XXYLT1: variants seen among roughly 807,000 people sequenced by gnomAD.
XXYLT1 encodes the protein xyloside xylosyltransferase 1, also known as UDP-xylose:alpha-xyloside alpha-1,3-xylosyltransferase.
A neutral mutation model predicts 28.9 loss-of-function variants in XXYLT1; 20 were observed. The ratio of observed to expected loss-of-function variants is 0.69; its 90% CI spans 0.49 to 1.00. XXYLT1 has a LOEUF of 1.00. XXYLT1 is among the 50% of genes least tolerant of loss of function. The pLI is 0.00. For missense variants in XXYLT1, 542 were observed against 560.1 expected (o/e 0.97, Z 0.33); for synonymous variants, 257 against 253.8 (o/e 1.01, Z -0.12).
chr3:195,112,607 ACACG>A (rs1473024564), intron 3 of XXYLT1, among the ~76,000 whole-genome samples: 52 of 95,384 alleles, frequency 5.5e-4, no homozygotes, highest in African/African-American at 1.3e-3. Context: ...GCATGCACAC[ACACG>A]CACACATGTG....
At chr3:195,266,366 G>A (rs1354550349) in intron 1 of XXYLT1, among the ~76,000 whole-genome samples, 1 of 151,930 alleles carries the variant, frequency 6.6e-6, no homozygotes, top group Non-Finnish European at 1.5e-5. Flanking sequence ...GTGGCGGTGG[G>A]TGCCTGTAGT....
chr3:195,265,855 A>G (rs890772870), intron 1 of XXYLT1, among the ~76,000 whole-genome samples: 1 of 152,190 alleles, frequency 6.6e-6, no homozygotes, highest in Non-Finnish European at 1.5e-5. Flanking sequence ...TGGTGGCTTC[A>G]CGAAGCCCCC....
intron 3 of XXYLT1, among the ~76,000 whole-genome samples, chr3:195,144,849 G>A (rs111280172): frequency 2.4e-4 from 36 of 152,232 alleles, no homozygotes; most frequent in African/African-American, 8.4e-4. Context: ...CAAGACCAAG[G>A]TCACACTCCG....
rs923801908 is a variant in XXYLT1, at chr3:195,268,661, T to A, written c.504+1894A>T. The stretch of plus-strand genomic sequence containing the variant: ...CCAGGACTGATAACCCCTTATCCAA[T>A]CACTGACATCTGGCTAGAAGTCCCC... On this transcript the variant is annotated intron_variant, in intron 1 of 3. Transcript: ENST00000310380. 3.3e-5 allele frequency among the ~76,000 whole-genome samples: 5 copies of A among 150,898 alleles called. No homozygotes were observed. In the South Asian group the frequency reaches 6.3e-4, roughly 19 times the overall value.
At chr3:195,208,702 A>G (rs1249285972) in intron 2 of XXYLT1, among the ~76,000 whole-genome samples, 1 of 152,126 alleles carries the variant, frequency 6.6e-6, no homozygotes, top group Non-Finnish European at 1.5e-5. Context: ...GAAATCACCA[A>G]AAGATGGGTC....
chr3:195,157,597 A>C (rs1429254677), intron 2 of XXYLT1, among the ~76,000 whole-genome samples: 1 of 152,092 alleles, frequency 6.6e-6, no homozygotes, highest in Non-Finnish European at 1.5e-5. Context: ...CCTATCCTTC[A>C]CCCAGCCCAG....
intron 3 of XXYLT1, among the ~76,000 whole-genome samples, chr3:195,153,566 T>C (rs1381885510): frequency 1.3e-5 from 2 of 152,224 alleles, no homozygotes; most frequent in Non-Finnish European, 2.9e-5. Context: ...GTTATCATAG[T>C]ACATAATGAA....
At chr3:195,075,590 G>A (rs567549689) in intron 3 of XXYLT1, among the ~76,000 whole-genome samples, 1 of 152,348 alleles carries the variant, frequency 6.6e-6, no homozygotes, top group Non-Finnish European at 1.5e-5. Flanking sequence ...AGGAGGCGCA[G>A]AGGCTGTGCT....
chr3:195,114,842 G>A (rs936295337), intron 3 of XXYLT1, among the ~76,000 whole-genome samples: 10 of 152,226 alleles, frequency 6.6e-5, no homozygotes, highest in African/African-American at 2.4e-4. Context: ...AAACCAGGGA[G>A]GAGTGAAGCC....
At chr3:195,097,256 C>A (rs143467976) in intron 3 of XXYLT1, among the ~76,000 whole-genome samples, 1 of 152,364 alleles carries the variant, frequency 6.6e-6, no homozygotes, top group East Asian at 1.9e-4. Flanking sequence ...CACAGACAGA[C>A]AGACAGAGAG....
At position 195,106,276 on chromosome 3, in the gene XXYLT1, T is replaced by TTGTTGTGTTTTTGATGGAGAGA. The variant is rs1478741636; in HGVS notation, c.786-36166_786-36165insTCTCTCCATCAAAAACACAACA. Reference sequence around the variant, plus strand: ...TGTCGTTTTTGATGGAGAGATGCTCTTGCTGTGTTTTTGACGGAGAGATGC... The same window carrying TTGTTGTGTTTTTGATGGAGAGA: ...TGTCGTTTTTGATGGAGAGATGCTCTTGTTGTGTTTTTGATGGAGAGATGCTGTGTTTTTGACGGAGAGATGC... On this transcript the variant is annotated intron_variant, in intron 3 of 3. Transcript: ENST00000310380. Among the ~76,000 whole-genome samples the TTGTTGTGTTTTTGATGGAGAGA allele has an allele frequency of 3.3e-4, 49 of 147,256 alleles. 4 individuals are homozygous for TTGTTGTGTTTTTGATGGAGAGA. The highest frequency in any genetic ancestry group is 1.2e-3 in the African/African-American group (46 of 37,236).
At chr3:195,222,195 C>T (rs1036421933) in intron 2 of XXYLT1, among the ~76,000 whole-genome samples, 2 of 152,172 alleles carry the variant, frequency 1.3e-5, no homozygotes, top group Admixed American at 6.5e-5. Context: ...GGCTGGGTGT[C>T]CACATCTGGA....
intron 3 of XXYLT1, among the ~76,000 whole-genome samples, chr3:195,135,814 G>A (rs992402869): frequency 2.0e-5 from 3 of 152,162 alleles, no homozygotes; most frequent in East Asian, 1.9e-4. Context: ...ATGGACAGAC[G>A]GGGATGGCAG....
At chr3:195,234,007 C>T (rs749064172) in intron 1 of XXYLT1, among the ~76,000 whole-genome samples, 1 of 151,932 alleles carries the variant, frequency 6.6e-6, no homozygotes, top group Non-Finnish European at 1.5e-5. Context: ...AGCTCCGCCT[C>T]CCAGGTTCAT....
chr3:195,122,759 G>A (rs572179551), intron 3 of XXYLT1, among the ~76,000 whole-genome samples: 3 of 152,350 alleles, frequency 2.0e-5, no homozygotes, highest in African/African-American at 7.2e-5. Context: ...CACCCCATCA[G>A]TGTGACAGCG....
chr3:195,234,959 C>G (rs1724471631), intron 1 of XXYLT1, among the ~76,000 whole-genome samples: 1 of 151,534 alleles, frequency 6.6e-6, no homozygotes, highest in African/African-American at 2.4e-5. Context: ...ACTGCTGTCT[C>G]TCTCTCTACC....
intron 3 of XXYLT1, among the ~76,000 whole-genome samples, chr3:195,145,853 G>C (rs943814883): frequency 2.6e-5 from 4 of 152,166 alleles, no homozygotes; most frequent in Non-Finnish European, 5.9e-5. Flanking sequence ...CTGGGTTCCT[G>C]GATCAAAACA....
intron 2 of XXYLT1, chr3:195,183,498 A>G (rs1401018089): frequency 6.6e-6 from 1 of 152,184 alleles, no homozygotes; most frequent in Non-Finnish European, 1.5e-5. Flanking sequence ...ATTTCTTCGT[A>G]GCGGTGTGAG....
chr3:195,104,198 CGTGT>C (rs59361512), intron 3 of XXYLT1, among the ~76,000 whole-genome samples: 7,254 of 141,768 alleles, frequency 0.051, 196 homozygotes, highest in Middle Eastern at 0.087. Flanking sequence ...ATGAGGGCTC[CGTGT>C]GTGTGTGTGT....
Sources: allele counts gnomAD v4.1 joint callset (sites outside exome capture counted in the v4.1 genomes callset), GRCh38; gene constraint gnomAD v4.1.1; transcripts MANE v1.5; gene names NCBI Gene and HGNC (gene_info 2026-07-23, HGNC 2026-07-21).